The following ZNF713 variants were observed in gnomAD, a reference collection of about 807,000 sequenced individuals.
The protein encoded by ZNF713 is zinc finger protein 713.
A neutral mutation model predicts 28.7 loss-of-function variants in ZNF713; 21 were observed. The observed-to-expected ratio is 0.73, with a 90% CI of 0.52 to 1.05. The LOEUF (loss-of-function observed/expected upper bound fraction) is 1.05. Ranked by LOEUF, ZNF713 falls within the 50% of genes least tolerant of loss-of-function variation. ZNF713 has a pLI of 0.00. For missense variants in ZNF713, 458 were observed against 532.4 expected, an observed-to-expected ratio of 0.86 and a Z score of 1.37; for synonymous variants, 167 against 178.0, an observed-to-expected ratio of 0.94 and a Z score of 0.49.
At position 55,940,153 on chromosome 7, in the gene ZNF713, C is replaced by CAAA; in HGVS notation, c.*148_*149insAAA. 2 of 1,321,292 alleles carry CAAA rather than the reference C, an allele frequency of 1.5e-6. No homozygotes were observed. Among genetic ancestry groups the CAAA allele is most frequent in the Non-Finnish European group, 2.0e-6 (2 of 1,006,916 alleles). 81.8% of individuals were successfully genotyped at this position (1,321,292 alleles called of 1,614,324 possible). ...TTGTTTTGTTTTTGAGACTGAGTCT[C>CAAA]ACTCTGTCACCCAGGCTGAAGTGCA... On this transcript the variant is annotated 3_prime_UTR_variant, in exon 7 of 7. Coordinates refer to ENST00000429591, the MANE Select transcript of ZNF713 (RefSeq NM_182633.3).
intron 1 of ZNF713, among the ~76,000 whole-genome samples, chr7:55,897,260 TC>T (rs1452715972): frequency 6.6e-5 from 10 of 151,772 alleles, no homozygotes; most frequent in African/African-American, 2.4e-4. Context: ...TTTTTTTTTT[TC>T]TTTTTTTGAG....
chr7:55,936,797 T>G (rs1455564721), intron 6 of ZNF713, among the ~76,000 whole-genome samples: 1 of 151,998 alleles, frequency 6.6e-6, no homozygotes, highest in East Asian at 1.9e-4. Flanking sequence ...GTGCCCAAAG[T>G]AGAGATATAT....
intron 5 of ZNF713, 104 bp downstream of exon 5, chr7:55,923,392 A>G (rs1786031467): frequency 6.3e-6 from 9 of 1,439,628 alleles, no homozygotes; most frequent in African/African-American, 1.4e-5. Flanking sequence ...GGGCTGGGAT[A>G]GAAGAATGCT....
rs554170026 is a variant in ZNF713, at chr7:55,913,164, T to G, written c.87+441T>G. On this transcript the variant is annotated intron_variant, in intron 4 of 6. Transcript: ENST00000429591. Reference sequence around the variant, plus strand: ...GTTTCCCAAGCATCTGTTGTATCTCTTCCAAAACCTGTTTAAATCTGTTTT... The same window carrying G: ...GTTTCCCAAGCATCTGTTGTATCTCGTCCAAAACCTGTTTAAATCTGTTTT... Among the ~76,000 whole-genome samples, 3 of 151,866 alleles carry G rather than the reference T, an allele frequency of 2.0e-5. No homozygotes were observed. The South Asian group carries it at 6.2e-4, about 32-fold the overall frequency.
intron 1 of ZNF713, among the ~76,000 whole-genome samples, chr7:55,900,040 G>C (rs1234841416): frequency 1.3e-5 from 2 of 152,020 alleles, no homozygotes; most frequent in Non-Finnish European, 2.9e-5. Context: ...CACCACACCA[G>C]GACCTGAGTA....
intron 4 of ZNF713, among the ~76,000 whole-genome samples, chr7:55,921,604 G>A (rs1205998751): frequency 6.6e-6 from 1 of 152,208 alleles, no homozygotes; most frequent in Non-Finnish European, 1.5e-5. Flanking sequence ...AGGCATGGTG[G>A]AAATAGCAAG....
chr7:55,934,422 T>C (rs1008090926), intron 6 of ZNF713, among the ~76,000 whole-genome samples: 2 of 152,158 alleles, frequency 1.3e-5, no homozygotes, highest in Non-Finnish European at 2.9e-5. Flanking sequence ...GTACCATTTT[T>C]CACCCATCAA....
intron 1 of ZNF713, among the ~76,000 whole-genome samples, chr7:55,894,866 A>C (rs1785445732): frequency 6.6e-6 from 1 of 152,352 alleles, no homozygotes; most frequent in South Asian, 2.1e-4. Context: ...CAATATTGTC[A>C]ATTAAAATGT....
At chr7:55,892,126 A>G (rs916152400) in intron 1 of ZNF713, among the ~76,000 whole-genome samples, 1 of 151,800 alleles carries the variant, frequency 6.6e-6, no homozygotes, top group Non-Finnish European at 1.5e-5. Context: ...AAAACTACAA[A>G]AAAATTAGCT....
Position 55,938,847 on chromosome 7 carries a change from C to A in ZNF713, c.308-135C>A, listed in dbSNP as rs1004892265. The A allele has an allele frequency of 8.9e-6, 8 of 897,918 alleles. No individual in the cohort carries two copies. In the African/African-American group the frequency reaches 1.0e-4, roughly 11 times the overall value. The allele number at this position is 897,918 out of a possible 1,614,324, so 55.6% of individuals were successfully genotyped here. ...TTTGTGACGTGGCCACATTGAAAAACTTTCAATGCCGTGTATGCCTTGTAC... is the reference window on the plus strand; with the variant it reads ...TTTGTGACGTGGCCACATTGAAAAAATTTCAATGCCGTGTATGCCTTGTAC... On this transcript the variant is annotated intron_variant, in intron 6 of 6. Transcript: ENST00000429591.
intron 1 of ZNF713, among the ~76,000 whole-genome samples, chr7:55,889,512 A>C (rs1785339935): frequency 6.6e-6 from 1 of 152,260 alleles, no homozygotes; most frequent in Admixed American, 6.5e-5. Context: ...TGTAGCAATT[A>C]GTACGTTCTA....
intron 1 of ZNF713, among the ~76,000 whole-genome samples, chr7:55,902,916 C>T (rs891190256): frequency 6.8e-6 from 1 of 146,326 alleles, no homozygotes; most frequent in Non-Finnish European, 1.5e-5. Flanking sequence ...GCTCTTGAAC[C>T]GGGGAGATAA....
At chr7:55,925,045 T>G (rs1467459090) in intron 6 of ZNF713, among the ~76,000 whole-genome samples, 2 of 152,060 alleles carry the variant, frequency 1.3e-5, no homozygotes, top group Admixed American at 1.3e-4. Flanking sequence ...CACCTTAGTT[T>G]CCTATTTCTG....
chr7:55,909,649 A>G (rs1489328768), intron 2 of ZNF713, among the ~76,000 whole-genome samples: 1 of 152,156 alleles, frequency 6.6e-6, no homozygotes, highest in Non-Finnish European at 1.5e-5. Flanking sequence ...TTTTAATGAT[A>G]TTGATTCTTC....
intron 1 of ZNF713, among the ~76,000 whole-genome samples, chr7:55,899,138 G>A (rs1785524736): frequency 6.6e-6 from 1 of 150,430 alleles, no homozygotes. Flanking sequence ...CAGATCACAG[G>A]GTCAGGAGAT....
intron 4 of ZNF713, among the ~76,000 whole-genome samples, chr7:55,921,954 C>T (rs1785999425): frequency 6.6e-6 from 1 of 152,114 alleles, no homozygotes; most frequent in Non-Finnish European, 1.5e-5. Flanking sequence ...GAAACAGAGT[C>T]TCGCTGTGTC....
chr7:55,898,350 T>A (rs1785511280), intron 1 of ZNF713, among the ~76,000 whole-genome samples: 1 of 152,234 alleles, frequency 6.6e-6, no homozygotes, highest in Non-Finnish European at 1.5e-5. Flanking sequence ...TGTATTAGTC[T>A]GTTCTCACTG....
chr7:55,926,342 T>C (rs530302338), intron 6 of ZNF713, among the ~76,000 whole-genome samples: 18 of 152,304 alleles, frequency 1.2e-4, no homozygotes, highest in African/African-American at 3.8e-4. Flanking sequence ...CCAAATTTCA[T>C]TGTGCATCTA....
chr7:55,925,079 C>T (rs539217339), intron 6 of ZNF713, among the ~76,000 whole-genome samples: 1 of 151,972 alleles, frequency 6.6e-6, no homozygotes, highest in Non-Finnish European at 1.5e-5. Context: ...GATGTTCTGC[C>T]TGGCTGTTTT....
Sources: allele counts gnomAD v4.1 joint callset (sites outside exome capture counted in the v4.1 genomes callset), GRCh38; gene constraint gnomAD v4.1.1; transcripts MANE v1.5; gene names NCBI Gene and HGNC (gene_info 2026-07-23, HGNC 2026-07-21).